The following GRIK4 variants were observed in gnomAD, a reference collection of about 807,000 sequenced individuals.
GRIK4 encodes glutamate receptor ionotropic, kainate 4.
In GRIK4, 40 loss-of-function variants were observed where a neutral mutation model predicts 104.9. That is an observed-to-expected ratio of 0.38 (90% CI 0.30 to 0.50). The LOEUF is 0.50. GRIK4 is among the 20% of genes least tolerant of loss of function. The probability of loss-of-function intolerance (pLI) is 0.93; values close to 1 mark genes in which losing one functional copy is unlikely to be tolerated. For synonymous variants in GRIK4, 485 were observed against 524.9 expected (o/e 0.92, Z 1.04); for missense variants, 1,047 against 1,308.1 (o/e 0.80, Z 3.08).
intron 1 of GRIK4, among the ~76,000 whole-genome samples, chr11:120,582,195 G>A (rs1271679403): frequency 6.6e-6 from 1 of 151,184 alleles, no homozygotes; most frequent in Non-Finnish European, 1.5e-5. Context: ...AGCATCTATA[G>A]GGCCATTCAG....
Position 120,898,614 on chromosome 11 carries a change from C to A in GRIK4, c.1247C>A (p.Thr416Asn). ...AACATCTCGGACACTCTCTTCAACA[C>A]CACCCTGGTCGTCACCACCATCCTG... The part of the protein sequence containing the change: ...ASNISDTLFN[T>N]TLVVTTILEN... The change falls in exon 12 of 21, where the codon ACC (threonine) becomes AAC (asparagine). Residue 416 changes from threonine (T) to asparagine (N), a missense_variant. Thr to Asn is a moderately conservative substitution (Grantham distance 65). This residue lies in a region of GRIK4 where 440 missense variants were observed against 652.3 expected (regional missense o/e 0.67). Coordinates refer to ENST00000527524, the MANE Select transcript of GRIK4 (RefSeq NM_014619.5). 1 of 1,608,956 alleles carries A rather than the reference C, an allele frequency of 6.2e-7. No homozygotes were observed. Among genetic ancestry groups the A allele is most frequent in the East Asian group, 2.2e-5 (1 of 44,854 alleles).
intron 3 of GRIK4, among the ~76,000 whole-genome samples, chr11:120,796,845 G>A (rs1952528340): frequency 6.6e-6 from 1 of 151,402 alleles, no homozygotes; most frequent in South Asian, 2.1e-4. Context: ...CCCTCTCGGG[G>A]TCGCCACGGC....
intron 9 of GRIK4, among the ~76,000 whole-genome samples, chr11:120,864,462 G>C (rs1227774663): frequency 1.3e-5 from 2 of 151,928 alleles, no homozygotes; most frequent in Non-Finnish European, 2.9e-5. Context: ...GGAGTGTCTC[G>C]ATCTCCTGAC....
At chr11:120,973,206 G>A (rs760779180) in intron 19 of GRIK4, among the ~76,000 whole-genome samples, 9 of 152,160 alleles carry the variant, frequency 5.9e-5, no homozygotes, top group Non-Finnish European at 1.3e-4. Flanking sequence ...GTTGGCCTTG[G>A]AAACAGTTCC....
At chr11:120,779,182 C>T (rs1235655477) in intron 3 of GRIK4, among the ~76,000 whole-genome samples, 1 of 152,172 alleles carries the variant, frequency 6.6e-6, no homozygotes, top group Non-Finnish European at 1.5e-5. Context: ...AGTCCTGTGA[C>T]AGACAGGGGA....
chr11:120,954,063 G>A (rs7107375), intron 15 of GRIK4, among the ~76,000 whole-genome samples: 6,009 of 152,130 alleles, frequency 0.039, 412 homozygotes, highest in African/African-American at 0.14. Flanking sequence ...CCTAGGGCAC[G>A]TTCATTCACT....
At chr11:120,593,725 A>C (rs1344601701) in intron 1 of GRIK4, among the ~76,000 whole-genome samples, 1 of 152,084 alleles carries the variant, frequency 6.6e-6, no homozygotes, top group Non-Finnish European at 1.5e-5. Flanking sequence ...TATCTACTTG[A>C]CTTTTTCATT....
intron 1 of GRIK4, among the ~76,000 whole-genome samples, chr11:120,638,468 TTTC>T (rs145340939): frequency 0.1 from 14,417 of 144,158 alleles, 2,258 homozygotes; most frequent in African/African-American, 0.33. Flanking sequence ...CTCTCAATGA[TTTC>T]TTCTTCTTTT....
chr11:120,747,803 T>C (rs1951470907), intron 3 of GRIK4, among the ~76,000 whole-genome samples: 1 of 152,256 alleles, frequency 6.6e-6, no homozygotes, highest in Admixed American at 6.5e-5. Context: ...AGAAGTCAGC[T>C]TAGGGCCTGG....
Position 120,929,815 on chromosome 11 carries a change from C to T in GRIK4, c.1477-10532C>T, listed in dbSNP as rs148257731. Among the ~76,000 whole-genome samples, 142 of 145,510 alleles carry T rather than the reference C, an allele frequency of 9.8e-4. 1 individual carries two copies. Among genetic ancestry groups the T allele is most frequent in the African/African-American group, 3.3e-3 (133 of 40,030 alleles). ...GGGCAGGGCAAGGGGAGAAGGGCGC[C>T]CTCTAGTGGGGAACCTACGGCTTCA... On this transcript the variant is annotated intron_variant, in intron 13 of 20. Coordinates refer to ENST00000527524, the MANE Select transcript of GRIK4 (RefSeq NM_014619.5).
At chr11:120,865,247 A>G (rs1251422414) in intron 9 of GRIK4, among the ~76,000 whole-genome samples, 1 of 152,236 alleles carries the variant, frequency 6.6e-6, no homozygotes, top group Non-Finnish European at 1.5e-5. Context: ...CAACCTATAT[A>G]TGCCAGATGC....
Position 120,930,106 on chromosome 11 carries a change from A to G in GRIK4, c.1477-10241A>G, listed in dbSNP as rs75510205. ...GAAAGTCACTGCGAACAGTGCAGTAATAAGAAAGCCAAGCGCACAGTCCTG... is the reference window on the plus strand; with the variant it reads ...GAAAGTCACTGCGAACAGTGCAGTAGTAAGAAAGCCAAGCGCACAGTCCTG... On this transcript the variant is annotated intron_variant, in intron 13 of 20. Transcript: ENST00000527524. Among the ~76,000 whole-genome samples the G allele has an allele frequency of 6.1e-3, 932 of 152,314 alleles. 28 individuals are homozygous for G. The highest frequency in any genetic ancestry group is 0.017 in the East Asian group (89 of 5,176).
At position 120,959,196 on chromosome 11, in the gene GRIK4, G is replaced by A. The variant is rs1944233348; in HGVS notation, c.1875-1713G>A. Among the ~76,000 whole-genome samples the A allele has an allele frequency of 2.6e-5, 4 of 152,146 alleles. No homozygotes were observed. The South Asian group carries it at 8.3e-4, about 31-fold the overall frequency. The stretch of plus-strand genomic sequence containing the variant: ...CATGATTATCCCCATATATTTATTA[G>A]ACAAGTAAATGAGCTCAGAGAAGGC... On this transcript the variant is annotated intron_variant, in intron 16 of 20. Transcript: ENST00000527524.
At position 120,905,826 on chromosome 11, in the gene GRIK4, T is replaced by A. The variant is rs1326533094; in HGVS notation, c.1476+333T>A. The stretch of plus-strand genomic sequence containing the variant: ...TGATTATTTTGTGGCTCATTAGCAC[T>A]CCCTAGCAGAGCTTGAACAGGTCCT... On this transcript the variant is annotated intron_variant, in intron 13 of 20. Transcript: ENST00000527524. The surrounding 1 kb of genome is among the most constrained non-coding windows in gnomAD (Gnocchi z 5.1). Among the ~76,000 whole-genome samples, 1 of 152,090 alleles carries A rather than the reference T, an allele frequency of 6.6e-6. No individual in the cohort carries two copies. The highest frequency in any genetic ancestry group is 1.5e-5 in the Non-Finnish European group (1 of 68,018).
intron 3 of GRIK4, among the ~76,000 whole-genome samples, chr11:120,678,719 C>A (rs545866161): frequency 6.6e-6 from 1 of 152,164 alleles, no homozygotes; most frequent in East Asian, 1.9e-4. Context: ...CTACAACCTC[C>A]ACCCACCGGG....
chr11:120,604,146 T>C (rs1271046577), intron 1 of GRIK4, among the ~76,000 whole-genome samples: 1 of 123,522 alleles, frequency 8.1e-6, no homozygotes, highest in Non-Finnish European at 1.6e-5. Flanking sequence ...CACTCCAGCC[T>C]GGGCGACAGA....
chr11:120,620,657 G>C (rs1489655925), intron 1 of GRIK4, among the ~76,000 whole-genome samples: 1 of 152,172 alleles, frequency 6.6e-6, no homozygotes, highest in East Asian at 1.9e-4. Flanking sequence ...TAATGTAGCT[G>C]TTCATAGCCT....
intron 3 of GRIK4, among the ~76,000 whole-genome samples, chr11:120,761,226 G>T (rs562308403): frequency 6.6e-6 from 1 of 152,196 alleles, no homozygotes; most frequent in African/African-American, 2.4e-5. Context: ...TCATGTGTTT[G>T]TTGGCCACAT....
chr11:120,544,168 G>C (rs542287786), intron 1 of GRIK4, among the ~76,000 whole-genome samples: 2 of 152,302 alleles, frequency 1.3e-5, no homozygotes, highest in African/African-American at 4.8e-5. Context: ...TATAAAGAGG[G>C]TGAGAGAAAC....
Sources: gnomAD v4.1 joint callset for allele counts (sites outside exome capture counted in the v4.1 genomes callset) on GRCh38, gnomAD v4.1.1 for gene constraint, gnomAD v4.1.1 regional missense constraint, Gnocchi (gnomAD v3.1) non-coding constraint, MANE v1.5 for transcripts, NCBI Gene and HGNC (gene_info 2026-07-23, HGNC 2026-07-21) for gene names.